The following NAT1 variants were observed in gnomAD, a reference collection of about 807,000 sequenced individuals.
NAT1 encodes the protein arylamine N-acetyltransferase 1.
For missense variants in NAT1, 400 were observed against 339.2 expected (o/e 1.18, Z -1.41); for synonymous variants, 144 against 122.6 (o/e 1.17, Z -1.16).
At chr8:18,202,335 C>G (rs181089887) in intron 2 of NAT1, among the ~76,000 whole-genome samples, 1 of 152,126 alleles carries the variant, frequency 6.6e-6, no homozygotes, top group Non-Finnish European at 1.5e-5. Context: ...GGGAACTGAA[C>G]GGGCAATCAA....
chr8:18,174,737 G>A (rs907272317), intron 2 of NAT1, among the ~76,000 whole-genome samples: 2 of 151,964 alleles, frequency 1.3e-5, no homozygotes, highest in African/African-American at 4.8e-5. Flanking sequence ...TAAGGAGTCG[G>A]GAAACCCAGG....
intron 2 of NAT1, among the ~76,000 whole-genome samples, chr8:18,186,228 T>C (rs200756066): frequency 3.3e-5 from 5 of 152,308 alleles, no homozygotes; most frequent in South Asian, 2.1e-4. Flanking sequence ...ATTATGATTA[T>C]AGGTTTGTCT....
At position 18,197,907 on chromosome 8, in the gene NAT1, G is replaced by C. The variant is rs143590148; in HGVS notation, n.93-11874G>C. 8.5e-3 allele frequency among the ~76,000 whole-genome samples: 1,272 copies of C among 149,368 alleles called. 15 individuals are homozygous for C. The highest frequency in any genetic ancestry group is 0.029 in the African/African-American group (1,194 of 40,682). The stretch of plus-strand genomic sequence containing the variant: ...GTTTATACTTTTTTTTTTTTTTTGA[G>C]ATGTTGAAATTATTTTTAGGAAGGC... On this transcript the variant is annotated intron_variant and non_coding_transcript_variant, in intron 2 of 4. Transcript: ENST00000517441.
chr8:18,203,729 C>T (rs1161230138), intron 2 of NAT1, among the ~76,000 whole-genome samples: 1 of 152,154 alleles, frequency 6.6e-6, no homozygotes, highest in Admixed American at 6.5e-5. Flanking sequence ...TTATAGCCGT[C>T]CTTGTGATAT....
chr8:18,203,102 C>T (rs1012337882), intron 2 of NAT1, among the ~76,000 whole-genome samples: 5 of 152,200 alleles, frequency 3.3e-5, no homozygotes, highest in African/African-American at 1.2e-4. Flanking sequence ...TCACTCCACC[C>T]AGGATGTCCA....
upstream of NAT1, among the ~76,000 whole-genome samples, chr8:18,206,075 G>A (rs1803705074): frequency 1.3e-5 from 2 of 152,158 alleles, no homozygotes; most frequent in African/African-American, 4.8e-5. Flanking sequence ...CTGGTTTGCT[G>A]CCTCCTATTT....
intron 2 of NAT1, among the ~76,000 whole-genome samples, chr8:18,200,635 A>G (rs1325446381): frequency 1.3e-5 from 2 of 152,162 alleles, no homozygotes; most frequent in Non-Finnish European, 1.5e-5. Context: ...AACCCCTGTG[A>G]CGTGTAGTTT....
chr8:18,202,970 G>C (rs1430542838), intron 2 of NAT1, among the ~76,000 whole-genome samples: 1 of 152,142 alleles, frequency 6.6e-6, no homozygotes, highest in Non-Finnish European at 1.5e-5. Context: ...CGATTTTACA[G>C]AGTACTGATT....
At chr8:18,186,592 T>C (rs7818834) in intron 2 of NAT1, among the ~76,000 whole-genome samples, 55,164 of 151,998 alleles carry the variant, frequency 0.36, 10,278 homozygotes, top group South Asian at 0.44. Context: ...TTTATACCTA[T>C]CGTCTTATTG....
chr8:18,193,254 A>T (rs111669026), intron 2 of NAT1, among the ~76,000 whole-genome samples: 8,151 of 148,622 alleles, frequency 0.055, 329 homozygotes, highest in South Asian at 0.15. Flanking sequence ...ATTTTTAAAA[A>T]TTTTTTTGTA....
At chr8:18,209,696 A>C (rs1166693634), upstream of NAT1, 1 of 152,194 alleles carries the variant, frequency 6.6e-6, no homozygotes, top group Non-Finnish European at 1.5e-5. Context: ...TTTTAAAAGA[A>C]GTCTAATGGG....
At chr8:18,178,759 G>C (rs1802389254) in intron 2 of NAT1, among the ~76,000 whole-genome samples, 1 of 152,154 alleles carries the variant, frequency 6.6e-6, no homozygotes, top group African/African-American at 2.4e-5. Flanking sequence ...TTCCCTAACA[G>C]ATGAGTGAGT....
At chr8:18,211,722 C>T (rs1048596595) in intron 1 of NAT1, among the ~76,000 whole-genome samples, 1 of 151,964 alleles carries the variant, frequency 6.6e-6, no homozygotes, top group Admixed American at 6.6e-5. Flanking sequence ...AGTGAGCTGG[C>T]TTAGGAGGGG....
intron 2 of NAT1, among the ~76,000 whole-genome samples, chr8:18,187,289 G>T (rs886346200): frequency 1.3e-5 from 2 of 152,122 alleles, no homozygotes; most frequent in South Asian, 2.1e-4. Flanking sequence ...AAAACAGTGT[G>T]GTGCTTCCTT....
At chr8:18,180,456 C>T (rs1358537264) in intron 2 of NAT1, among the ~76,000 whole-genome samples, 1 of 152,018 alleles carries the variant, frequency 6.6e-6, no homozygotes, top group Non-Finnish European at 1.5e-5. Flanking sequence ...TGCTCTGCTC[C>T]AGTATTTTGT....
At chr8:18,196,748 C>G (rs1457675094) in intron 2 of NAT1, among the ~76,000 whole-genome samples, 2 of 152,114 alleles carry the variant, frequency 1.3e-5, no homozygotes, top group Admixed American at 6.6e-5. Context: ...TTAGAAACAC[C>G]TGACTGTCCT....
chr8:18,180,167 T>C (rs534303698), intron 2 of NAT1, among the ~76,000 whole-genome samples: 5 of 152,238 alleles, frequency 3.3e-5, no homozygotes, highest in East Asian at 1.9e-4. Flanking sequence ...GGACCACCAG[T>C]TGCAAGGTTC....
At chr8:18,182,622 C>G (rs575794380) in intron 2 of NAT1, among the ~76,000 whole-genome samples, 1 of 152,108 alleles carries the variant, frequency 6.6e-6, no homozygotes, top group Non-Finnish European at 1.5e-5. Flanking sequence ...ATTTCCTTAG[C>G]CTATTTTTCA....
chr8:18,221,295 T>A (rs1391074401), intron 2 of NAT1, among the ~76,000 whole-genome samples: 2 of 149,294 alleles, frequency 1.3e-5, no homozygotes, highest in African/African-American at 5.0e-5. Flanking sequence ...TCTTAGCGAG[T>A]GTTTTTTTTT....
Sources: allele counts gnomAD v4.1 joint callset (sites outside exome capture counted in the v4.1 genomes callset), GRCh38; gene constraint gnomAD v4.1.1; transcripts MANE v1.5; gene names NCBI Gene and HGNC (gene_info 2026-07-23, HGNC 2026-07-21).